FRMPD4: variants seen among roughly 807,000 people sequenced by gnomAD.
The protein encoded by FRMPD4 is FERM and PDZ domain containing 4, also known as FERM and PDZ domain-containing protein 4.
In FRMPD4, 22 loss-of-function variants were observed where a neutral mutation model predicts 94.1. That is an observed-to-expected ratio of 0.23 (90% CI 0.17 to 0.33). The LOEUF (loss-of-function observed/expected upper bound fraction) is 0.33. Among genes scored for constraint, FRMPD4 ranks in the 10% least tolerant of loss-of-function variants. The pLI is 1.00. For missense variants in FRMPD4, 1,111 were observed against 1,339.9 expected, an observed-to-expected ratio of 0.83 and a Z score of 2.67; for synonymous variants, 631 against 548.6, an observed-to-expected ratio of 1.15 and a Z score of -2.10.
intron 3 of FRMPD4, among the ~76,000 whole-genome samples, chrX:12,097,797 T>A (rs2055219569): frequency 8.9e-6 from 1 of 112,677 alleles, no homozygotes; most frequent in Non-Finnish European, 1.9e-5. Context: ...TGTATGAATA[T>A]ACAACTTTTT....
At chrX:12,650,471 G>A (rs897662644) in intron 4 of FRMPD4, among the ~76,000 whole-genome samples, 1 of 112,170 alleles carries the variant, frequency 8.9e-6, no homozygotes, top group African/African-American at 3.2e-5. Flanking sequence ...TCTGTTTAAT[G>A]AATTCCAACG....
chrX:12,221,688 T>C (rs954098362), intron 1 of FRMPD4, among the ~76,000 whole-genome samples: 11 of 111,695 alleles, frequency 9.8e-5, no homozygotes, highest in Admixed American at 2.9e-4. Flanking sequence ...ACACCCAATT[T>C]GGAGAAAAGT....
intron 1 of FRMPD4, among the ~76,000 whole-genome samples, chrX:12,212,292 CT>C (rs942002058): frequency 9.0e-6 from 1 of 111,406 alleles, no homozygotes; most frequent in African/African-American, 3.3e-5. Flanking sequence ...TTATTGACCC[CT>C]GTTCTAGAAT....
intron 1 of FRMPD4, among the ~76,000 whole-genome samples, chrX:12,229,554 C>G (rs1188395452): frequency 9.0e-6 from 1 of 111,517 alleles, no homozygotes; most frequent in African/African-American, 3.3e-5. Context: ...AGGTCTCCCC[C>G]AGTTCCATAC....
At chrX:12,537,979 G>T (rs1439489926) in intron 2 of FRMPD4, among the ~76,000 whole-genome samples, 1 of 110,823 alleles carries the variant, frequency 9.0e-6, no homozygotes, top group African/African-American at 3.3e-5. Context: ...TGAGGTACCG[G>T]GTTCATCTCA....
chrX:12,012,981 G>T (rs769745782), intron 3 of FRMPD4, among the ~76,000 whole-genome samples: 4 of 111,591 alleles, frequency 3.6e-5, no homozygotes, highest in Non-Finnish European at 5.7e-5. Context: ...GAGTTCAGTT[G>T]TTTTGACAGC....
chrX:12,553,432 G>A (rs1367225705), intron 2 of FRMPD4, among the ~76,000 whole-genome samples: 1 of 33,784 alleles, frequency 3.0e-5, no homozygotes, highest in Non-Finnish European at 4.6e-5. Flanking sequence ...CTATCCATAT[G>A]CCTATATATA....
At chrX:11,912,096 G>A (rs1170951712) in intron 3 of FRMPD4, among the ~76,000 whole-genome samples, 2 of 111,987 alleles carry the variant, frequency 1.8e-5, no homozygotes, top group East Asian at 2.8e-4. Flanking sequence ...AAGCCCCACC[G>A]AAGAAGAACA....
In FRMPD4 at chrX:12,691,580, C is replaced by T. The variant is rs1287401223; in HGVS notation, c.813+1254C>T. Among the ~76,000 whole-genome samples, 3 of 111,664 alleles carry T rather than the reference C, an allele frequency of 2.7e-5. No homozygotes were observed. The Admixed American group carries it at 2.8e-4, about 11-fold the overall frequency. On this transcript the variant is annotated intron_variant, in intron 8 of 16. Coordinates refer to ENST00000675598, the MANE Select transcript of FRMPD4 (RefSeq NM_001368397.1). ...TTACAGGGGCACAACCCCTGATATA[C>T]AGAATCTCTCATGTGAAAGGTCAGT... is the stretch of plus-strand genomic sequence containing the variant.
chrX:12,530,583 A>G (rs762898827), intron 2 of FRMPD4, among the ~76,000 whole-genome samples: 3 of 111,072 alleles, frequency 2.7e-5, no homozygotes, highest in African/African-American at 6.5e-5. Context: ...ATATTTTTCA[A>G]AGGCCATGGA....
intron 3 of FRMPD4, among the ~76,000 whole-genome samples, chrX:11,889,957 G>T (rs762020316): frequency 8.9e-6 from 1 of 112,286 alleles, no homozygotes; most frequent in South Asian, 3.7e-4. Context: ...GCTTAGGCCT[G>T]GAAATCACAA....
At chrX:11,897,022 A>G in intron 3 of FRMPD4, among the ~76,000 whole-genome samples, 1 of 110,619 alleles carries the variant, frequency 9.0e-6, no homozygotes, top group Non-Finnish European at 1.9e-5. Flanking sequence ...AAGCTGCTAA[A>G]TTCAGTATCT....
At chrX:12,170,560 C>A (rs1478142812) in intron 1 of FRMPD4, among the ~76,000 whole-genome samples, 2 of 112,284 alleles carry the variant, frequency 1.8e-5, no homozygotes, top group African/African-American at 6.5e-5. Flanking sequence ...TTTCTCTTTG[C>A]TTTACTTTAT....
intron 3 of FRMPD4, among the ~76,000 whole-genome samples, chrX:11,923,322 C>A (rs1232462327): frequency 8.9e-6 from 1 of 112,176 alleles, no homozygotes. Context: ...AACAGCAGAT[C>A]TTCCCACACC....
chrX:11,828,753 C>G (rs2053458362), intron 1 of FRMPD4, among the ~76,000 whole-genome samples: 1 of 112,199 alleles, frequency 8.9e-6, no homozygotes, highest in African/African-American at 3.2e-5. Flanking sequence ...TTTTTTCACA[C>G]CACAGAATGG....
At chrX:12,477,133 T>C (rs1019436460) in intron 1 of FRMPD4, among the ~76,000 whole-genome samples, 1 of 111,658 alleles carries the variant, frequency 9.0e-6, no homozygotes, top group Non-Finnish European at 1.9e-5. Flanking sequence ...CCATAAAAAA[T>C]GATGAGTTCA....
intron 3 of FRMPD4, among the ~76,000 whole-genome samples, chrX:12,107,589 T>C (rs370964114): frequency 5.4e-5 from 6 of 111,709 alleles, no homozygotes; most frequent in Admixed American, 9.5e-5. Context: ...CTTCAGATGA[T>C]TGAGAGAAGA....
intron 2 of FRMPD4, among the ~76,000 whole-genome samples, chrX:12,536,119 A>G (rs911236501): frequency 9.3e-6 from 1 of 107,452 alleles, no homozygotes; most frequent in African/African-American, 3.4e-5. Context: ...TTTATAAGTA[A>G]GTTCTAAGGA....
At chrX:12,674,741 A>T in intron 4 of FRMPD4, 122 bp from the exon 5 acceptor site, 1 of 558,245 alleles carries the variant, frequency 1.8e-6, no homozygotes, top group South Asian at 2.6e-5. Flanking sequence ...GGTTTACTCT[A>T]TCCTGGGAGT....
Sources: gnomAD v4.1 joint callset for allele counts (sites outside exome capture counted in the v4.1 genomes callset) on GRCh38, gnomAD v4.1.1 for gene constraint, MANE v1.5 for transcripts, NCBI Gene and HGNC (gene_info 2026-07-23, HGNC 2026-07-21) for gene names.